C1orf21: variants seen among roughly 807,000 people sequenced by gnomAD.
C1orf21 encodes the protein chromosome 1 open reading frame 21.
In C1orf21, 3 loss-of-function variants were observed where a neutral mutation model predicts 18.7. The ratio of observed to expected loss-of-function variants is 0.16; its 90% confidence interval spans 0.07 to 0.42. The LOEUF is 0.42. Among genes scored for constraint, C1orf21 ranks in the 10% least tolerant of loss-of-function variants. C1orf21 has a pLI of 0.99. For synonymous variants in C1orf21, 41 were observed against 46.4 expected (o/e 0.88, Z 0.47); for missense variants, 104 against 143.6 (o/e 0.72, Z 1.41).
chr1:184,501,169 T>G (rs1053430420), intron 2 of C1orf21, among the ~76,000 whole-genome samples: 1 of 152,224 alleles, frequency 6.6e-6, no homozygotes, highest in Non-Finnish European at 1.5e-5. Context: ...GCCTGGACAC[T>G]GGCCAGGGAG....
chr1:184,463,082 CAAAAAAAAA>C (rs397982231), intron 1 of C1orf21, among the ~76,000 whole-genome samples: 1 of 80,318 alleles, frequency 1.2e-5, no homozygotes, highest in Non-Finnish European at 2.5e-5. Context: ...GACTCCATCT[CAAAAAAAAA>C]AAAAAAAAAA....
At chr1:184,420,170 T>G (rs142237468) in intron 1 of C1orf21, among the ~76,000 whole-genome samples, 5 of 151,864 alleles carry the variant, frequency 3.3e-5, no homozygotes, top group African/African-American at 1.2e-4. Flanking sequence ...ATCTGATTAC[T>G]CTCTAAGAGC....
rs537017188 is a variant in C1orf21 at position 184,551,475 on chromosome 1, A to G, written c.190-39264A>G. On this transcript the variant is annotated intron_variant, in intron 3 of 5. Transcript: ENST00000235307. ...GATTAACCTCAGGGCAGGGACTGTC[A>G]TTGGGCTGGACCTTCTCAAGGCTGA... Among the ~76,000 whole-genome samples the G allele has an allele frequency of 2.0e-5, 3 of 152,348 alleles. No homozygotes were observed. In the East Asian group the frequency reaches 5.8e-4, roughly 29 times the overall value.
At chr1:184,480,991 A>G (rs113113869) in intron 2 of C1orf21, among the ~76,000 whole-genome samples, 9 of 152,098 alleles carry the variant, frequency 5.9e-5, no homozygotes, top group African/African-American at 1.9e-4. Context: ...TCTTGAGGCA[A>G]TCTCCTTGTG....
chr1:184,533,780 C>G (rs1658505893), intron 3 of C1orf21, among the ~76,000 whole-genome samples: 1 of 152,218 alleles, frequency 6.6e-6, no homozygotes, highest in Non-Finnish European at 1.5e-5. Context: ...GCCAGTTCCA[C>G]AGGAGGCCCT....
At chr1:184,617,892 T>TTTG (rs369232122) in intron 5 of C1orf21, among the ~76,000 whole-genome samples, 7 of 144,236 alleles carry the variant, frequency 4.9e-5, no homozygotes, top group African/African-American at 1.5e-4. Context: ...TGTGTGGCAG[T>TTTG]TTGTTGTTGT....
intron 1 of C1orf21, among the ~76,000 whole-genome samples, chr1:184,463,102 A>G (rs1032705051): frequency 7.0e-6 from 1 of 143,366 alleles, no homozygotes; most frequent in African/African-American, 2.7e-5. Context: ...AAAAAAAAAA[A>G]GAAGAAGAAG....
chr1:184,585,932 C>T (rs1201151487), intron 3 of C1orf21, among the ~76,000 whole-genome samples: 1 of 152,054 alleles, frequency 6.6e-6, no homozygotes, highest in African/African-American at 2.4e-5. Flanking sequence ...TGCACATGTG[C>T]CTGTGTGTGT....
intron 2 of C1orf21, 42 bp from the exon 3 acceptor site, chr1:184,507,546 G>C: frequency 6.6e-7 from 1 of 1,522,206 alleles, no homozygotes; most frequent in Non-Finnish European, 8.9e-7. Context: ...TCTACTATTG[G>C]GAAAAAAATT....
chr1:184,418,094 A>G (rs1571348591), intron 1 of C1orf21, among the ~76,000 whole-genome samples: 1 of 152,366 alleles, frequency 6.6e-6, no homozygotes, highest in Non-Finnish European at 1.5e-5. Flanking sequence ...TTTCCTGAAG[A>G]GAAGCTGACC....
At chr1:184,542,164 C>T (rs984244962) in intron 3 of C1orf21, among the ~76,000 whole-genome samples, 1 of 152,162 alleles carries the variant, frequency 6.6e-6, no homozygotes, top group African/African-American at 2.4e-5. Flanking sequence ...AACCCCAGCC[C>T]TTCTGCAGGG....
In C1orf21 at chr1:184,540,440, GT is replaced by G. The variant is rs375846605; in HGVS notation, c.189+32769del. ...GGAGTTTTTTTTGTTTGTTTGTTTT[GT>G]TTTTTTTTTTGAGACTGGGTCTCGC... is the stretch of plus-strand genomic sequence containing the variant. On this transcript the variant is annotated intron_variant, in intron 3 of 5. Transcript: ENST00000235307. 8.4e-3 allele frequency among the ~76,000 whole-genome samples: 1,216 copies of G among 145,290 alleles called. 8 individuals carry two copies. The highest frequency in any genetic ancestry group is 0.022 in the Middle Eastern group (6 of 278).
intron 2 of C1orf21, among the ~76,000 whole-genome samples, chr1:184,480,141 A>C (rs1332923198): frequency 6.6e-6 from 1 of 152,226 alleles, no homozygotes; most frequent in Non-Finnish European, 1.5e-5. Context: ...GCTCTGCCTT[A>C]AACCGCAGAA....
chr1:184,408,883 C>T (rs1237190501), intron 1 of C1orf21, among the ~76,000 whole-genome samples: 1 of 152,168 alleles, frequency 6.6e-6, no homozygotes, highest in African/African-American at 2.4e-5. Flanking sequence ...AAAAATGGCA[C>T]ATTAGGGTCC....
intron 1 of C1orf21, among the ~76,000 whole-genome samples, chr1:184,404,748 C>T (rs1216771475): frequency 6.6e-6 from 1 of 152,174 alleles, no homozygotes; most frequent in East Asian, 1.9e-4. Flanking sequence ...CAGTTCTTCA[C>T]AATAGCTAAG....
intron 2 of C1orf21, among the ~76,000 whole-genome samples, chr1:184,503,469 C>T (rs931564895): frequency 6.6e-6 from 1 of 152,164 alleles, no homozygotes; most frequent in African/African-American, 2.4e-5. Context: ...CTCAAGACAG[C>T]TGGTTTTCCT....
At chr1:184,509,539 G>C (rs1658113391) in intron 3 of C1orf21, among the ~76,000 whole-genome samples, 1 of 152,206 alleles carries the variant, frequency 6.6e-6, no homozygotes, top group Middle Eastern at 3.4e-3. Context: ...TTAAGTGACT[G>C]TTCAGTTATT....
intron 3 of C1orf21, among the ~76,000 whole-genome samples, chr1:184,519,360 AT>A (rs1375586034): frequency 6.6e-6 from 1 of 152,216 alleles, no homozygotes. Flanking sequence ...AATACTTTAG[AT>A]TTCTGGCCTC....
At chr1:184,603,370 T>C (rs1659609391) in intron 5 of C1orf21, among the ~76,000 whole-genome samples, 1 of 152,276 alleles carries the variant, frequency 6.6e-6, no homozygotes, top group African/African-American at 2.4e-5. Context: ...GCCATGAGCA[T>C]GCCTAGTGCA....
Sources: allele counts gnomAD v4.1 joint callset (sites outside exome capture counted in the v4.1 genomes callset), GRCh38; gene constraint gnomAD v4.1.1; transcripts MANE v1.5; gene names NCBI Gene and HGNC (gene_info 2026-07-23, HGNC 2026-07-21).